Variants in TYW1B observed in about 807,000 individuals in gnomAD.
TYW1B encodes tRNA-yW synthesizing protein 1 homolog B.
Under a neutral mutation model 86.9 loss-of-function variants are expected in TYW1B, and 73 were observed. The ratio of observed to expected loss-of-function variants is 0.84; its 90% CI spans 0.70 to 1.02. TYW1B has a LOEUF of 1.02. Ranked by LOEUF, TYW1B falls within the 50% of genes least tolerant of loss-of-function variation. The pLI, the probability that TYW1B is intolerant of heterozygous loss-of-function variation, is 0.00. For synonymous variants in TYW1B, 248 were observed against 292.8 expected, an observed-to-expected ratio of 0.85 and a Z score of 1.56; for missense variants, 637 against 827.4, an observed-to-expected ratio of 0.77 and a Z score of 2.82.
At position 72,750,778 on chromosome 7, in the gene TYW1B, AT is replaced by A. The variant is rs568698407; in HGVS notation, c.965-6178del. On this transcript the variant is annotated intron_variant, in intron 7 of 13. Transcript: ENST00000620995. Reference sequence around the variant, plus strand: ...GGACCAGTAGTGTTTCAGATTTCAAATTTTTTCAGATATTCGAATATTTGCA... The same window carrying A: ...GGACCAGTAGTGTTTCAGATTTCAAATTTTTCAGATATTCGAATATTTGCA... 5.3e-3 allele frequency among the ~76,000 whole-genome samples: 809 copies of A among 152,158 alleles called. 6 individuals are homozygous for A. The highest frequency in any genetic ancestry group is 0.017 in the South Asian group (81 of 4,816).
At chr7:72,659,171 G>C (rs1554444111) in intron 11 of TYW1B, among the ~76,000 whole-genome samples, 1 of 152,156 alleles carries the variant, frequency 6.6e-6, no homozygotes, top group Non-Finnish European at 1.5e-5. Context: ...CCCACCCCCG[G>C]TGTGGTGTGA....
chr7:72,591,344 A>G (rs1425104352), intron 13 of TYW1B, among the ~76,000 whole-genome samples: 9 of 152,094 alleles, frequency 5.9e-5, no homozygotes, highest in African/African-American at 2.2e-4. Flanking sequence ...GAAGAAGTTC[A>G]AGGAACTCCA....
chr7:72,609,258 G>A (rs1373371752), intron 13 of TYW1B, among the ~76,000 whole-genome samples: 3 of 152,080 alleles, frequency 2.0e-5, no homozygotes, highest in Admixed American at 1.3e-4. Flanking sequence ...GAAGTCCCAG[G>A]ATTATTAGTA....
chr7:72,651,924 CTAAT>C (rs1245725045), intron 11 of TYW1B, among the ~76,000 whole-genome samples: 1 of 152,054 alleles, frequency 6.6e-6, no homozygotes, highest in Non-Finnish European at 1.5e-5. Flanking sequence ...ACAATTTTAA[CTAAT>C]TAATTAAGAG....
chr7:72,579,940 C>T (rs572284336), intron 13 of TYW1B, among the ~76,000 whole-genome samples: 7 of 152,278 alleles, frequency 4.6e-5, no homozygotes, highest in Admixed American at 2.0e-4. Flanking sequence ...CATGAGCCAC[C>T]GCACCCAGCC....
In TYW1B at chr7:72,575,603, G is replaced by A; in HGVS notation, c.1902C>T (p.Ala634=). The change falls in exon 14 of 14, where the codon GCC becomes GCT. Residue 634 remains alanine, a synonymous_variant. Coordinates refer to ENST00000620995, the MANE Select transcript of TYW1B (RefSeq NM_001145440.3). ...SKTFSAKDYM[A]RTPHWALFGA... ...CAAATAATGCCCAGTGAGGAGTTCT[G>A]GCCATATAATCCTTTGCGCTGAACG... The A allele has an allele frequency of 1.2e-6, 2 of 1,613,760 alleles. No homozygotes were observed. Among genetic ancestry groups the A allele is most frequent in the Admixed American group, 3.3e-5 (2 of 59,972 alleles).
At chr7:72,709,409 C>T (rs1210541647) in intron 10 of TYW1B, among the ~76,000 whole-genome samples, 3 of 152,192 alleles carry the variant, frequency 2.0e-5, no homozygotes, top group Non-Finnish European at 4.4e-5. Context: ...TGGCTCACGC[C>T]TGTAATCCCA....
intron 11 of TYW1B, among the ~76,000 whole-genome samples, chr7:72,667,276 C>G (rs1245751177): frequency 2.6e-5 from 4 of 152,082 alleles, no homozygotes; most frequent in Non-Finnish European, 5.9e-5. Context: ...ATATTTGGAG[C>G]TGGCATTCTG....
intron 8 of TYW1B, among the ~76,000 whole-genome samples, chr7:72,744,108 G>A (rs566729179): frequency 4.7e-4 from 71 of 151,868 alleles, no homozygotes; most frequent in Admixed American, 1.8e-3. Context: ...AAAACTAGTC[G>A]TAGATAGAAA....
chr7:72,758,539 C>T (rs1373747350), intron 7 of TYW1B, among the ~76,000 whole-genome samples: 1 of 151,974 alleles, frequency 6.6e-6, no homozygotes, highest in Non-Finnish European at 1.5e-5. Flanking sequence ...TGAAAGAGAG[C>T]ACTAAGAATT....
At chr7:72,768,525 C>T (rs1264061730) in intron 7 of TYW1B, among the ~76,000 whole-genome samples, 1 of 152,146 alleles carries the variant, frequency 6.6e-6, no homozygotes, top group Non-Finnish European at 1.5e-5. Flanking sequence ...CGGTGGCTCA[C>T]GCCTGTAATC....
At chr7:72,819,577 C>A (rs1363334851) in intron 2 of TYW1B, among the ~76,000 whole-genome samples, 1 of 152,034 alleles carries the variant, frequency 6.6e-6, no homozygotes, top group African/African-American at 2.4e-5. Flanking sequence ...GGACTACAGG[C>A]ACACGCCACC....
chr7:72,720,830 T>A (rs2960974), intron 9 of TYW1B, among the ~76,000 whole-genome samples: 1 of 152,160 alleles, frequency 6.6e-6, no homozygotes, highest in Non-Finnish European at 1.5e-5. Context: ...ACATGTGCCA[T>A]GTTGGCGTGC....
intron 10 of TYW1B, among the ~76,000 whole-genome samples, chr7:72,712,901 C>T (rs782038112): frequency 6.6e-6 from 1 of 152,170 alleles, no homozygotes; most frequent in Non-Finnish European, 1.5e-5. Context: ...ACTACACTTA[C>T]ATAATGGTTA....
intron 7 of TYW1B, among the ~76,000 whole-genome samples, chr7:72,756,232 T>TTTTAC (rs1787586424): frequency 6.7e-6 from 1 of 150,364 alleles, no homozygotes; most frequent in Non-Finnish European, 1.5e-5. Context: ...TTTTATTTTA[T>TTTTAC]TTTATTTTAT....
At chr7:72,632,422 T>A (rs10279131) in intron 11 of TYW1B, among the ~76,000 whole-genome samples, 2 of 109,614 alleles carry the variant, frequency 1.8e-5, no homozygotes, top group Admixed American at 1.1e-4. Context: ...CATATATATA[T>A]AAAATATATA....
intron 8 of TYW1B, among the ~76,000 whole-genome samples, chr7:72,729,542 T>A (rs1406718430): frequency 6.6e-6 from 1 of 151,940 alleles, no homozygotes; most frequent in Admixed American, 6.6e-5. Context: ...TACAATGCCA[T>A]AACCCAAGCT....
At chr7:72,625,904 G>GGC (rs1812337010) in intron 12 of TYW1B, among the ~76,000 whole-genome samples, 3 of 118,020 alleles carry the variant, frequency 2.5e-5, no homozygotes, top group South Asian at 7.0e-4. Context: ...GGCGGGGGGG[G>GGC]GGGAAGAAAG....
intron 8 of TYW1B, among the ~76,000 whole-genome samples, chr7:72,742,658 T>G (rs766981223): frequency 6.6e-5 from 10 of 152,296 alleles, no homozygotes; most frequent in Non-Finnish European, 1.3e-4. Context: ...AAATAGTCAA[T>G]CCCATTAATA....
Sources: gnomAD v4.1 joint callset for allele counts (sites outside exome capture counted in the v4.1 genomes callset) on GRCh38, gnomAD v4.1.1 for gene constraint, MANE v1.5 for transcripts, NCBI Gene and HGNC (gene_info 2026-07-23, HGNC 2026-07-21) for gene names.